LRCH2: variants seen among roughly 807,000 people sequenced by gnomAD.
LRCH2 encodes the protein leucine rich repeats and calponin homology domain containing 2, also known as leucine-rich repeat and calponin homology domain-containing protein 2.
LRCH2 carries 38 observed loss-of-function variants against 68.9 expected under a neutral mutation model. The observed-to-expected ratio is 0.55, with a 90% CI of 0.43 to 0.72. LRCH2 has a LOEUF of 0.72. Ranked by LOEUF, LRCH2 falls within the 30% of genes least tolerant of loss-of-function variation. The pLI is 0.00. For synonymous variants in LRCH2, 191 were observed against 208.1 expected (o/e 0.92, Z 0.71); for missense variants, 528 against 572.9 (o/e 0.92, Z 0.80).
chrX:115,122,312 A>C (rs1556526289), intron 20 of LRCH2, among the ~76,000 whole-genome samples: 1 of 111,243 alleles, frequency 9.0e-6, no homozygotes, highest in African/African-American at 3.3e-5. Context: ...ATGATTTTCC[A>C]TATTTGTAGC....
At position 115,112,033 on chromosome X, in the gene LRCH2, A is replaced by G. The variant is rs2072047511; in HGVS notation, c.*1183T>C. ...AATTTACCCATACCTAAGTTAAAAC[A>G]AGGACTTTGTGTAACACAGTATCTC... is the stretch of plus-strand genomic sequence containing the variant. On this transcript the variant is annotated 3_prime_UTR_variant, in exon 21 of 21. Coordinates refer to ENST00000317135, the MANE Select transcript of LRCH2 (RefSeq NM_020871.4). 8.9e-6 allele frequency: 1 copy of G among 112,329 alleles called. No individual in the cohort carries two copies. Among genetic ancestry groups the G allele is most frequent in the Non-Finnish European group, 1.9e-5 (1 of 53,100 alleles). 9.3% of individuals were successfully genotyped at this position (112,329 alleles called of 1,213,427 possible).
At position 115,141,125 on chromosome X, in the gene LRCH2, C is replaced by A. The variant is rs2072334574; in HGVS notation, c.1695+8702G>T. The stretch of plus-strand genomic sequence containing the variant: ...TAGTGGCGGGTGCCTGTAGTCCCAG[C>A]TACTCTGGAGGCTGAGGCGGGAGAA... On this transcript the variant is annotated intron_variant, in intron 14 of 20. Transcript: ENST00000317135. Among the ~76,000 whole-genome samples, 3 of 106,876 alleles carry A rather than the reference C, an allele frequency of 2.8e-5. No individual in the cohort carries two copies. The Admixed American group carries it at 3.0e-4, about 11-fold the overall frequency. 92.8% of individuals were successfully genotyped at this position (106,876 alleles called of 115,157 possible).
intron 1 of LRCH2, among the ~76,000 whole-genome samples, chrX:115,229,645 A>C (rs1257552550): frequency 8.9e-6 from 1 of 111,989 alleles, no homozygotes; most frequent in Non-Finnish European, 1.9e-5. Flanking sequence ...ACTGTCAAAA[A>C]TGTGCTTCAC....
chrX:115,207,354 T>G (rs2072975949), intron 1 of LRCH2, among the ~76,000 whole-genome samples: 2 of 110,143 alleles, frequency 1.8e-5, no homozygotes, highest in African/African-American at 3.3e-5. Flanking sequence ...GCCTGGGCAA[T>G]ATGGCGAAAC....
In LRCH2 at chrX:115,165,421, A is replaced by C; in HGVS notation, c.1339T>G (p.Leu447Val). Residue 447 changes from leucine (L) to valine (V), a missense_variant, in exon 10 of 21, where the codon TTA (leucine) becomes GTA (valine). Physicochemically the swap from Leu to Val is conservative, Grantham distance 32. Coordinates refer to ENST00000317135, the MANE Select transcript of LRCH2 (RefSeq NM_020871.4). ...TGTGCTTACCTTTTTTCATCTCCTA[A>C]TTCTTCATTTTTCCGAGATTTTTCA... ...CSEKSRKNEELGDEKRLEKEQ... is the reference protein window; with the variant it reads ...CSEKSRKNEEVGDEKRLEKEQ... 8.8e-7 allele frequency: 1 copy of C among 1,130,533 alleles called. No homozygotes were observed. Among genetic ancestry groups the C allele is most frequent in the Non-Finnish European group, 1.2e-6 (1 of 844,245 alleles). The allele number at this position is 1,130,533 out of a possible 1,213,427, so 93.2% of individuals were successfully genotyped here. A position where few individuals can be genotyped will look rare whatever the true frequency, so the allele number is the denominator to read the frequency against.
At chrX:115,149,470 AT>A (rs1461619165) in intron 14 of LRCH2, among the ~76,000 whole-genome samples, 1 of 112,041 alleles carries the variant, frequency 8.9e-6, no homozygotes, top group Non-Finnish European at 1.9e-5. Context: ...GAACAGTTAA[AT>A]GCTAATTGTA....
intron 1 of LRCH2, among the ~76,000 whole-genome samples, chrX:115,227,213 C>T (rs1170773547): frequency 1.8e-5 from 2 of 109,250 alleles, no homozygotes; most frequent in African/African-American, 6.7e-5. Flanking sequence ...CACTTGAGCC[C>T]CCGAGTTAGA....
intron 1 of LRCH2, among the ~76,000 whole-genome samples, chrX:115,222,444 G>T (rs186926204): frequency 8.9e-6 from 1 of 111,795 alleles, no homozygotes; most frequent in African/African-American, 3.2e-5. Context: ...AAAGGCTCCA[G>T]ATTTGAAAAG....
rs186941925 is a variant in LRCH2, at chrX:115,190,636, G to A, written c.350-2266C>T. On this transcript the variant is annotated intron_variant, in intron 1 of 20. Transcript: ENST00000317135. ...GGAGTACAGAGGCCGCTCGCCCGAC[G>A]CCCACAGCGGGGGCCGCAACAGTTC... 6,520 of 1,151,759 alleles carry A rather than the reference G, an allele frequency of 5.7e-3. 202 individuals are homozygous for A. In the African/African-American group the frequency reaches 0.11, roughly 19 times the overall value. The allele number at this position is 1,151,759 out of a possible 1,213,427, so 94.9% of individuals were successfully genotyped here.
intron 11 of LRCH2, among the ~76,000 whole-genome samples, chrX:115,160,325 T>TA (rs1320901584): frequency 2.8e-5 from 3 of 108,757 alleles, no homozygotes; most frequent in South Asian, 3.9e-4. Context: ...CAAAAAATAT[T>TA]AAAAAAAAAT....
intron 12 of LRCH2, among the ~76,000 whole-genome samples, chrX:115,154,279 GAGA>G (rs1444225438): frequency 9.0e-6 from 1 of 111,607 alleles, no homozygotes; most frequent in Admixed American, 9.5e-5. Flanking sequence ...GAACTGCAAG[GAGA>G]AAGATAAATC....
At position 115,110,709 on chromosome X, in the gene LRCH2, G is replaced by A. The variant is rs781815836; in HGVS notation, c.*2507C>T. 11 of 112,047 alleles carry A rather than the reference G, an allele frequency of 9.8e-5. No individual in the cohort carries two copies. The highest frequency in any genetic ancestry group is 1.5e-4 in the Non-Finnish European group (8 of 53,143). 9.2% of individuals were successfully genotyped at this position (112,047 alleles called of 1,213,427 possible). A position where few individuals can be genotyped will look rare whatever the true frequency, so the allele number is the denominator to read the frequency against. ...ATGCATCAGAAAAGCAATTATGATAGATCTGTGACCAATACAAACATTTCT... is the reference window on the plus strand; with the variant it reads ...ATGCATCAGAAAAGCAATTATGATAAATCTGTGACCAATACAAACATTTCT... On this transcript the variant is annotated 3_prime_UTR_variant, in exon 21 of 21. Transcript: ENST00000317135.
At chrX:115,197,847 T>TCTCTCTCTCACACACACA (rs782358260) in intron 1 of LRCH2, among the ~76,000 whole-genome samples, 15 of 20,565 alleles carry the variant, frequency 7.3e-4, no homozygotes, top group Non-Finnish European at 1.2e-3. Context: ...TCTCTCTCTC[T>TCTCTCTCTCACACACACA]CACACACACA....
In LRCH2 at chrX:115,174,602, CACA is replaced by C. The variant is rs1339491449; in HGVS notation, c.865-4173_865-4171del. Among the ~76,000 whole-genome samples, 72 of 70,215 alleles carry C rather than the reference CACA, an allele frequency of 1.0e-3. 1 individual carries two copies. Among genetic ancestry groups the C allele is most frequent in the African/African-American group, 3.5e-3 (68 of 19,332 alleles). The allele number at this position is 70,215 out of a possible 115,157, so 61.0% of individuals were successfully genotyped here. On this transcript the variant is annotated intron_variant, in intron 5 of 20. Coordinates refer to ENST00000317135, the MANE Select transcript of LRCH2 (RefSeq NM_020871.4). ...TTACACACAAACACACCCCCCCCCC[CACA>C]CACACACACACACTATATTTTCTTT...
At chrX:115,224,113 A>C (rs1208370002) in intron 1 of LRCH2, among the ~76,000 whole-genome samples, 1 of 111,883 alleles carries the variant, frequency 8.9e-6, no homozygotes, top group Admixed American at 9.5e-5. Context: ...GCCAATCATA[A>C]AAGGTCACAT....
rs1367186336 is a variant in LRCH2, at chrX:115,120,946, T to A, written c.2178+1581A>T. Among the ~76,000 whole-genome samples, 3 of 99,615 alleles carry A rather than the reference T, an allele frequency of 3.0e-5. No homozygotes were observed. The Admixed American group carries it at 3.5e-4, about 12-fold the overall frequency. The allele number at this position is 99,615 out of a possible 115,157, so 86.5% of individuals were successfully genotyped here. A position where few individuals can be genotyped will look rare whatever the true frequency, so the allele number is the denominator to read the frequency against. ...ACAAAAAACCAAACACCGCATATTC[T>A]CACTCATAGGTGGGAATTGAACAAT... On this transcript the variant is annotated intron_variant, in intron 20 of 20. Transcript: ENST00000317135.
chrX:115,168,949 T>C (rs2072584966), intron 6 of LRCH2, among the ~76,000 whole-genome samples: 1 of 111,569 alleles, frequency 9.0e-6, no homozygotes, highest in African/African-American at 3.3e-5. Flanking sequence ...AAAATCAACA[T>C]GTACCACGTT....
Position 115,191,880 on chromosome X carries a change from A to T in LRCH2, c.350-3510T>A, listed in dbSNP as rs1332681132. On this transcript the variant is annotated intron_variant, in intron 1 of 20. Coordinates refer to ENST00000317135, the MANE Select transcript of LRCH2 (RefSeq NM_020871.4). ...GTTCCAGCCGGAACGACCCCTGCAG[A>T]GGAGGAGGCCGCTACGAGGAGAACC... 6.9e-6 allele frequency: 8 copies of T among 1,159,227 alleles called. No homozygotes were observed. In the East Asian group the frequency reaches 2.3e-4, roughly 33 times the overall value.
intron 6 of LRCH2, 108 bp from the exon 7 acceptor site, chrX:115,166,450 CTA>C: frequency 8.3e-6 from 4 of 481,238 alleles, no homozygotes; most frequent in Non-Finnish European, 1.0e-5. Context: ...CTTTTGATGT[CTA>C]AGATCCTTAA....
Sources: allele counts gnomAD v4.1 joint callset (sites outside exome capture counted in the v4.1 genomes callset), GRCh38; gene constraint gnomAD v4.1.1; transcripts MANE v1.5; gene names NCBI Gene and HGNC (gene_info 2026-07-23, HGNC 2026-07-21).